RMDN1: variants seen among roughly 807,000 people sequenced by gnomAD.
RMDN1 encodes regulator of microtubule dynamics 1.
A neutral mutation model predicts 48.9 loss-of-function variants in RMDN1; 48 were observed. The ratio of observed to expected loss-of-function variants is 0.98; its 90% CI spans 0.78 to 1.25. The LOEUF (loss-of-function observed/expected upper bound fraction) is 1.25, where lower values mean the gene tolerates loss of function less well. RMDN1 is among the 50% of genes most tolerant of loss of function. RMDN1 has a pLI of 0.00. For synonymous variants in RMDN1, 148 were observed against 132.6 expected (o/e 1.12, Z -0.80); for missense variants, 418 against 373.4 (o/e 1.12, Z -0.98).
chr8:86,505,270 T>C (rs1333784568), intron 2 of RMDN1: 2 of 495,174 alleles, frequency 4.0e-6, no homozygotes, highest in African/African-American at 4.0e-5. Flanking sequence ...GGACATTCTC[T>C]TCTGCTTAGG....
At chr8:86,490,300 G>A (rs1333817382) in intron 2 of RMDN1, among the ~76,000 whole-genome samples, 1 of 152,122 alleles carries the variant, frequency 6.6e-6, no homozygotes, top group Non-Finnish European at 1.5e-5. Flanking sequence ...ATAGAATTAA[G>A]GCTGCTAATC....
intron 5 of RMDN1, chr8:86,482,571 G>C (rs1193877537): frequency 1.3e-6 from 1 of 743,814 alleles, no homozygotes; most frequent in African/African-American, 1.7e-5. Flanking sequence ...AATTCACTAA[G>C]AAGTTAATGA....
At chr8:86,497,532 C>T (rs1482553913) in intron 2 of RMDN1, among the ~76,000 whole-genome samples, 2 of 151,596 alleles carry the variant, frequency 1.3e-5, no homozygotes, top group Admixed American at 6.6e-5. Context: ...GAAACCCTGT[C>T]TCCACTAAAA....
At chr8:86,505,139 T>C in intron 2 of RMDN1, 2 of 1,276,986 alleles carry the variant, frequency 1.6e-6, no homozygotes, top group Non-Finnish European at 2.1e-6. Context: ...CTCATCAGGA[T>C]GAACCCAGGA....
In RMDN1 at chr8:86,478,671, G is replaced by A. The variant is rs1183268223; in HGVS notation, c.729+252C>T. On this transcript the variant is annotated intron_variant, in intron 7 of 9. Transcript: ENST00000406452. ...TTTAGATTTCAAACAGAAAATGAAG[G>A]TAGATTTTAGCCACGAGCCATTTTA... The A allele has an allele frequency of 1.1e-5, 5 of 446,266 alleles. No homozygotes were observed. The South Asian group carries it at 1.2e-4, about 10-fold the overall frequency. 27.6% of individuals were successfully genotyped at this position (446,266 alleles called of 1,614,324 possible).
chr8:86,474,769 T>A (rs770504740), intron 9 of RMDN1, 51 bp downstream of exon 9: 10 of 1,549,834 alleles, frequency 6.5e-6, no homozygotes, highest in Non-Finnish European at 8.8e-6. Flanking sequence ...TAATTCACCA[T>A]TTAATAGTGC....
Position 86,490,006 on chromosome 8 carries a change from ATTAT to A in RMDN1, c.248-1371_248-1368del, listed in dbSNP as rs571196585. The stretch of plus-strand genomic sequence containing the variant: ...AAAAAACCCCTAAAATTAAATAAAG[ATTAT>A]TTTTCTCAGTAATCCCACTTCATTC... On this transcript the variant is annotated intron_variant, in intron 2 of 9. Transcript: ENST00000406452. Among the ~76,000 whole-genome samples, 496 of 152,164 alleles carry A rather than the reference ATTAT, an allele frequency of 3.3e-3. 5 individuals are homozygous for A. The highest frequency in any genetic ancestry group is 0.011 in the African/African-American group (455 of 41,436).
At chr8:86,481,112 C>G (rs1251476367) in intron 5 of RMDN1, among the ~76,000 whole-genome samples, 1 of 152,086 alleles carries the variant, frequency 6.6e-6, no homozygotes, top group East Asian at 1.9e-4. Flanking sequence ...TTATGCTTTT[C>G]TATAAACCCA....
At chr8:86,476,446 T>A (rs758683436) in intron 8 of RMDN1, among the ~76,000 whole-genome samples, 3 of 152,186 alleles carry the variant, frequency 2.0e-5, no homozygotes, top group Non-Finnish European at 4.4e-5. Context: ...TTCTCCTGAT[T>A]AAGTTTTATA....
At chr8:86,511,201 A>C (rs7007055), upstream of RMDN1, among the ~76,000 whole-genome samples, 1 of 151,800 alleles carries the variant, frequency 6.6e-6, no homozygotes, top group East Asian at 2.0e-4. Context: ...AAGTTCGGGC[A>C]CGGTGGCTCA....
At chr8:86,479,137 A>G (rs1172774568) in intron 6 of RMDN1, 127 bp from the exon 7 acceptor site, 4 of 664,086 alleles carry the variant, frequency 6.0e-6, no homozygotes, top group African/African-American at 1.8e-5. Flanking sequence ...GCTTTACATG[A>G]TATCTACTAG....
intron 2 of RMDN1, among the ~76,000 whole-genome samples, chr8:86,503,380 AAAAAAAAAACAAAAAAAAATAAC>A (rs1818676253): frequency 1.7e-5 from 1 of 59,022 alleles, no homozygotes; most frequent in Admixed American, 1.7e-4. Context: ...ACAAAAAAAA[AAAAAAAAAACAAAAAAAAATAAC>A]AAAAATAACT....
At chr8:86,480,905 A>AT (rs1485358060) in intron 5 of RMDN1, among the ~76,000 whole-genome samples, 7 of 152,100 alleles carry the variant, frequency 4.6e-5, no homozygotes, top group Non-Finnish European at 1.0e-4. Flanking sequence ...AGTTTATAGA[A>AT]TATTAATAGA....
chr8:86,486,575 G>A lies in RMDN1; in HGVS notation c.404C>T (p.Ser135Leu). The change falls in exon 4 of 10, where the codon TCA (serine) becomes TTA (leucine). Residue 135 changes from serine to leucine, a missense_variant. Ser to Leu is a moderately radical substitution (Grantham distance 145). Coordinates refer to ENST00000406452, the MANE Select transcript of RMDN1 (RefSeq NM_016033.3). ...SRDVAQLSRTSEEEKKLLVYE... is the reference protein window; with the variant it reads ...SRDVAQLSRTLEEEKKLLVYE... ...CACCAATAGCTTTTTCTCCTCTTCT[G>A]AGGTTCTGCTAAGCTGAGCTACATC... 6.2e-7 allele frequency: 1 copy of A among 1,612,828 alleles called. No homozygotes were observed.
chr8:86,470,066 T>A (rs889107520), downstream of RMDN1: 1 of 742,366 alleles, frequency 1.3e-6, no homozygotes, highest in African/African-American at 1.9e-5. Flanking sequence ...CATCAAGAAA[T>A]TGAGAGCTTT....
At chr8:86,484,185 A>C (rs2130785498) in intron 5 of RMDN1, among the ~76,000 whole-genome samples, 1 of 152,276 alleles carries the variant, frequency 6.6e-6, no homozygotes, top group East Asian at 1.9e-4. Context: ...TGTACATTGG[A>C]TCTTTTCCCA....
chr8:86,506,947 C>T (rs767265075), intron 2 of RMDN1, 48 bp downstream of exon 2: 12 of 921,050 alleles, frequency 1.3e-5, no homozygotes, highest in East Asian at 7.2e-5. Context: ...TCTGAATGTA[C>T]GCACACAAAA....
intron 5 of RMDN1, 91 bp downstream of exon 5, chr8:86,484,781 G>A: frequency 1.5e-6 from 1 of 653,436 alleles, no homozygotes. Flanking sequence ...ATCATAGGTG[G>A]TTTGATATAC....
chr8:86,480,272 CT>C lies in RMDN1; in HGVS notation c.641+4del. On this transcript the variant is annotated splice_donor_region_variant and intron_variant, in intron 6 of 9. Transcript: ENST00000406452. ...CTACTGAAATATTTAAAGAAATTTT[CT>C]TACCAAATACCCATAAGGTGAATTG... is the stretch of plus-strand genomic sequence containing the variant. 1 of 1,486,254 alleles carries C rather than the reference CT, an allele frequency of 6.7e-7. No individual in the cohort carries two copies. The highest frequency in any genetic ancestry group is 9.2e-7 in the Non-Finnish European group (1 of 1,090,488). The allele number at this position is 1,486,254 out of a possible 1,614,324, so 92.1% of individuals were successfully genotyped here.
Sources: allele counts gnomAD v4.1 joint callset (sites outside exome capture counted in the v4.1 genomes callset), GRCh38; gene constraint gnomAD v4.1.1; transcripts MANE v1.5; gene names NCBI Gene and HGNC (gene_info 2026-07-23, HGNC 2026-07-21).